The following ABCB1 variants were observed in gnomAD, a reference collection of about 807,000 sequenced individuals.
ABCB1 encodes ATP-dependent translocase ABCB1.
ABCB1 carries 69 observed loss-of-function variants against 142.0 expected under a neutral mutation model. That is an observed-to-expected ratio of 0.49 (90% CI 0.40 to 0.59). The LOEUF (loss-of-function observed/expected upper bound fraction) is 0.59, where lower values mean the gene tolerates loss of function less well. Among genes scored for constraint, ABCB1 ranks in the 20% least tolerant of loss-of-function variants. The pLI is 0.00. For missense variants in ABCB1, 1,326 were observed against 1,554.7 expected, an observed-to-expected ratio of 0.85 and a Z score of 2.47; for synonymous variants, 532 against 539.2, an observed-to-expected ratio of 0.99 and a Z score of 0.18.
intron 1 of ABCB1, among the ~76,000 whole-genome samples, chr7:87,708,284 C>T (rs150031556): frequency 3.0e-3 from 461 of 151,838 alleles, no homozygotes; most frequent in South Asian, 6.9e-3. Context: ...TATAAATTAC[C>T]GATATGAGGA....
intron 25 of ABCB1, 49 bp downstream of exon 25, chr7:87,515,182 A>G (rs968894272): frequency 1.9e-6 from 3 of 1,603,818 alleles, no homozygotes; most frequent in Non-Finnish European, 2.6e-6. Flanking sequence ...ACATTCAGAC[A>G]TTTGGATGAT....
intron 4 of ABCB1, among the ~76,000 whole-genome samples, chr7:87,579,766 T>A (rs76599415): frequency 0.033 from 5,077 of 152,270 alleles, 258 homozygotes; most frequent in African/African-American, 0.11. Flanking sequence ...GGTGATCTTC[T>A]CTGGTGGTAT....
chr7:87,644,845 C>T (rs1012608731), intron 1 of ABCB1, among the ~76,000 whole-genome samples: 6 of 151,570 alleles, frequency 4.0e-5, no homozygotes, highest in Admixed American at 6.6e-5. Flanking sequence ...AAACTATAGA[C>T]ATTAAAGAAA....
chr7:87,614,765 G>T (rs1819975739), intron 1 of ABCB1, among the ~76,000 whole-genome samples: 1 of 151,750 alleles, frequency 6.6e-6, no homozygotes, highest in Admixed American at 6.6e-5. Context: ...AGCATGTTTA[G>T]GTACTTATAA....
chr7:87,514,505 T>C (rs1472419607), intron 25 of ABCB1, among the ~76,000 whole-genome samples: 1 of 152,154 alleles, frequency 6.6e-6, no homozygotes, highest in African/African-American at 2.4e-5. Context: ...GATTCTACTT[T>C]TTTTTCCTCA....
intron 1 of ABCB1, among the ~76,000 whole-genome samples, chr7:87,677,401 C>A (rs1300081252): frequency 6.7e-6 from 1 of 148,784 alleles, no homozygotes; most frequent in African/African-American, 2.5e-5. Context: ...CAATAAACTA[C>A]ATGAAATATG....
upstream of ABCB1, chr7:87,603,288 T>G (rs934499609): frequency 6.6e-6 from 1 of 152,230 alleles, no homozygotes; most frequent in Non-Finnish European, 1.5e-5. Flanking sequence ...TTTTTGTTAC[T>G]CCCATATTAC....
intron 1 of ABCB1, among the ~76,000 whole-genome samples, chr7:87,685,147 A>G (rs1827331752): frequency 6.6e-6 from 1 of 152,204 alleles, no homozygotes. Context: ...TAATGATAAG[A>G]CAAGGCATAG....
chr7:87,528,280 G>T (rs1023797637), intron 21 of ABCB1, among the ~76,000 whole-genome samples: 1 of 152,082 alleles, frequency 6.6e-6, no homozygotes, highest in Non-Finnish European at 1.5e-5. Flanking sequence ...TATATGGTCT[G>T]TAAGTGTTTG....
At chr7:87,611,264 C>G (rs961656506) in intron 1 of ABCB1, among the ~76,000 whole-genome samples, 9 of 152,136 alleles carry the variant, frequency 5.9e-5, no homozygotes, top group Admixed American at 2.6e-4. Flanking sequence ...TCTGTCAGCT[C>G]CTTGGAGCTT....
chr7:87,527,107 TG>T (rs1369542611), intron 21 of ABCB1, among the ~76,000 whole-genome samples: 2 of 152,190 alleles, frequency 1.3e-5, no homozygotes, highest in Non-Finnish European at 2.9e-5. Flanking sequence ...GCCTCTTGAT[TG>T]GCAGAAGCTC....
intron 1 of ABCB1, among the ~76,000 whole-genome samples, chr7:87,654,854 AAAAT>A (rs1212056749): frequency 2.6e-5 from 4 of 152,090 alleles, no homozygotes; most frequent in African/African-American, 9.7e-5. Flanking sequence ...CAATAGTAAG[AAAAT>A]AAATAGCCTG....
intron 24 of ABCB1, among the ~76,000 whole-genome samples, chr7:87,515,967 A>G (rs1584835851): frequency 1.3e-5 from 2 of 152,344 alleles, no homozygotes; most frequent in South Asian, 4.1e-4. Context: ...TGTTAAGACA[A>G]TATGAATATG....
intron 3 of ABCB1, among the ~76,000 whole-genome samples, chr7:87,585,881 C>G (rs1184434515): frequency 6.6e-6 from 1 of 152,172 alleles, no homozygotes; most frequent in African/African-American, 2.4e-5. Context: ...CCATTGAGTT[C>G]TGGCCTAATT....
chr7:87,693,985 C>A (rs1287318836), intron 1 of ABCB1: 7 of 1,610,926 alleles, frequency 4.3e-6, no homozygotes, highest in Non-Finnish European at 5.9e-6. Flanking sequence ...ATGTCTCCCG[C>A]CACTGAGCTG....
At chr7:87,712,633 G>A (rs1487667804) in intron 1 of ABCB1, among the ~76,000 whole-genome samples, 1 of 151,944 alleles carries the variant, frequency 6.6e-6, no homozygotes, top group Non-Finnish European at 1.5e-5. Context: ...ATTATTTTTA[G>A]AACAAGTAGT....
chr7:87,566,798 T>G lies in ABCB1; in HGVS notation c.517A>C (p.Thr173Pro), dbSNP rs200753045. ...FDVHDVGELN[T>P]RLTDDVSKIN... ...CTAAATACTTACTCTGTAAGTCGGG[T>G]GTTAAGCTCCCCAACATCGTGCACA... The change falls in exon 6 of 28, where the codon ACC (threonine) becomes CCC (proline). Residue 173 changes from threonine to proline, a missense_variant. Physicochemically the swap from Thr to Pro is conservative, Grantham distance 38 (BLOSUM62 -1). Coordinates refer to ENST00000622132, the MANE Select transcript of ABCB1 (RefSeq NM_001348946.2). 3.6e-5 allele frequency: 58 copies of G among 1,614,134 alleles called. No individual in the cohort carries two copies. The highest frequency in any genetic ancestry group is 3.9e-5 in the Non-Finnish European group (46 of 1,180,008).
chr7:87,541,959 G>A (rs760721369), intron 17 of ABCB1, among the ~76,000 whole-genome samples: 106 of 152,194 alleles, frequency 7.0e-4, no homozygotes, highest in Non-Finnish European at 1.4e-3. Context: ...GGCCAGTTAA[G>A]AGAGCCAGTT....
At chr7:87,510,409 G>T (rs1211200694) in intron 25 of ABCB1, among the ~76,000 whole-genome samples, 1 of 152,190 alleles carries the variant, frequency 6.6e-6, no homozygotes, top group Admixed American at 6.5e-5. Context: ...CTATAATCTG[G>T]CTCCCTGGAT....
Sources: allele counts gnomAD v4.1 joint callset (sites outside exome capture counted in the v4.1 genomes callset), GRCh38; gene constraint gnomAD v4.1.1; transcripts MANE v1.5; gene names NCBI Gene and HGNC (gene_info 2026-07-23, HGNC 2026-07-21).